Variants in ZNF521 observed in about 807,000 individuals in gnomAD.
The protein encoded by ZNF521 is zinc finger protein 521.
ZNF521 carries 14 observed loss-of-function variants against 105.5 expected under a neutral mutation model. The ratio of observed to expected loss-of-function variants is 0.13; its 90% CI spans 0.09 to 0.21. The LOEUF (loss-of-function observed/expected upper bound fraction) is 0.21. ZNF521 is among the 10% of genes least tolerant of loss of function. The pLI is 1.00. For missense variants in ZNF521, 1,233 were observed against 1,629.7 expected, an observed-to-expected ratio of 0.76 and a Z score of 4.19; for synonymous variants, 635 against 606.0, an observed-to-expected ratio of 1.05 and a Z score of -0.70.
At chr18:25,101,653 T>C (rs1282805371) in intron 5 of ZNF521, among the ~76,000 whole-genome samples, 1 of 152,050 alleles carries the variant, frequency 6.6e-6, no homozygotes, top group Non-Finnish European at 1.5e-5. Flanking sequence ...TAAACTTCAC[T>C]GAAAGGGCAG....
intron 3 of ZNF521, among the ~76,000 whole-genome samples, chr18:25,249,225 G>A (rs1460896338): frequency 1.3e-5 from 2 of 150,290 alleles, no homozygotes; most frequent in African/African-American, 4.9e-5. Context: ...CTCACTGCTC[G>A]GCTCACTGCA....
At chr18:25,221,534 T>C (rs925410551) in intron 4 of ZNF521, among the ~76,000 whole-genome samples, 2 of 152,224 alleles carry the variant, frequency 1.3e-5, no homozygotes, top group African/African-American at 2.4e-5. Context: ...TCTTATCTCC[T>C]GTGATTTTCT....
At chr18:25,080,333 C>A (rs1003729801) in intron 7 of ZNF521, among the ~76,000 whole-genome samples, 2 of 152,284 alleles carry the variant, frequency 1.3e-5, no homozygotes, top group African/African-American at 4.8e-5. Context: ...ATGACAGCAC[C>A]GCAAGCACAG....
At chr18:25,077,082 A>T (rs1389353009) in intron 7 of ZNF521, among the ~76,000 whole-genome samples, 1 of 152,228 alleles carries the variant, frequency 6.6e-6, no homozygotes, top group Non-Finnish European at 1.5e-5. Flanking sequence ...CTTGTGAGGC[A>T]GACTTGTTTA....
chr18:25,065,023 T>C (rs941549231), intron 7 of ZNF521, among the ~76,000 whole-genome samples: 1 of 152,202 alleles, frequency 6.6e-6, no homozygotes. Flanking sequence ...AAAGTACTAA[T>C]GAGACCGAAA....
intron 5 of ZNF521, among the ~76,000 whole-genome samples, chr18:25,150,913 G>C (rs2035036491): frequency 7.5e-6 from 1 of 133,684 alleles, no homozygotes; most frequent in Non-Finnish European, 1.6e-5. Context: ...TTTTGAGACA[G>C]AGTCTCGCTC....
intron 3 of ZNF521, among the ~76,000 whole-genome samples, chr18:25,303,489 G>A (rs951366732): frequency 6.6e-6 from 1 of 151,994 alleles, no homozygotes; most frequent in Admixed American, 6.6e-5. Context: ...GTAGAGACGG[G>A]GTTTCACTAT....
chr18:25,261,638 A>C (rs1370335622), intron 3 of ZNF521, among the ~76,000 whole-genome samples: 1 of 146,950 alleles, frequency 6.8e-6, no homozygotes, highest in African/African-American at 2.5e-5. Context: ...TCTCTCCTCT[A>C]TTTTTTCTCT....
At chr18:25,320,375 T>C (rs1912873038) in intron 3 of ZNF521, among the ~76,000 whole-genome samples, 1 of 152,176 alleles carries the variant, frequency 6.6e-6, no homozygotes, top group Non-Finnish European at 1.5e-5. Context: ...TTCACCATGT[T>C]GATCAGGCTG....
chr18:25,332,672 C>T (rs1361440188), intron 2 of ZNF521, among the ~76,000 whole-genome samples: 2 of 152,118 alleles, frequency 1.3e-5, no homozygotes, highest in East Asian at 1.9e-4. Flanking sequence ...CTTTTCATTT[C>T]CTAGGACACA....
At chr18:25,340,919 T>C (rs552367068) in intron 2 of ZNF521, among the ~76,000 whole-genome samples, 2 of 152,354 alleles carry the variant, frequency 1.3e-5, no homozygotes, top group South Asian at 2.1e-4. Context: ...GGTGTTATTA[T>C]CTTGTAATGG....
chr18:25,326,906 C>T (rs1166101816), intron 2 of ZNF521, among the ~76,000 whole-genome samples: 1 of 152,134 alleles, frequency 6.6e-6, no homozygotes, highest in Admixed American at 6.5e-5. Context: ...TGATCATAGC[C>T]AGCTTGTCAC....
In ZNF521 at chr18:25,162,246, C is replaced by T. The variant is rs577263486; in HGVS notation, c.3658+32914G>A. 5.6e-4 allele frequency among the ~76,000 whole-genome samples: 86 copies of T among 152,230 alleles called. 1 individual carries two copies. The highest frequency in any genetic ancestry group is 1.9e-3 in the African/African-American group (77 of 41,544). On this transcript the variant is annotated intron_variant, in intron 5 of 7. Coordinates refer to ENST00000361524, the MANE Select transcript of ZNF521 (RefSeq NM_015461.3). ...GGAAAAAAAGGCCTTAACATTCATA[C>T]ATGAGAATAACTATCATTCTAAGAT...
intron 3 of ZNF521, among the ~76,000 whole-genome samples, chr18:25,267,391 G>A (rs1909343256): frequency 6.6e-6 from 1 of 152,228 alleles, no homozygotes; most frequent in African/African-American, 2.4e-5. Context: ...GCTCAGAAGA[G>A]AGCAGCGGAT....
intron 3 of ZNF521, chr18:25,302,248 G>A (rs7241342): frequency 0.37 from 56,532 of 151,348 alleles, 10,669 homozygotes; most frequent in Admixed American, 0.43. Flanking sequence ...AGAGAAAGAG[G>A]TGTGTGGCAG....
intron 2 of ZNF521, among the ~76,000 whole-genome samples, chr18:25,340,947 A>G (rs1914166091): frequency 6.6e-6 from 1 of 152,220 alleles, no homozygotes; most frequent in Non-Finnish European, 1.5e-5. Flanking sequence ...TTGAAGATTA[A>G]AAATTTGGTA....
At chr18:25,209,964 A>T (rs938899395) in intron 4 of ZNF521, among the ~76,000 whole-genome samples, 3 of 152,202 alleles carry the variant, frequency 2.0e-5, no homozygotes, top group African/African-American at 7.2e-5. Flanking sequence ...ACTTTGTGGA[A>T]ATATGATTCC....
intron 5 of ZNF521, among the ~76,000 whole-genome samples, chr18:25,191,529 T>C (rs1341891665): frequency 6.6e-6 from 1 of 152,208 alleles, no homozygotes; most frequent in Non-Finnish European, 1.5e-5. Flanking sequence ...ATTTGTTTCT[T>C]TGGGGATTTA....
chr18:25,340,754 C>G (rs1017442240), intron 2 of ZNF521, among the ~76,000 whole-genome samples: 1 of 152,152 alleles, frequency 6.6e-6, no homozygotes, highest in African/African-American at 2.4e-5. Context: ...GGGCAGGCAA[C>G]TGGCTAAGGA....
Sources: gnomAD v4.1 joint callset for allele counts (sites outside exome capture counted in the v4.1 genomes callset) on GRCh38, gnomAD v4.1.1 for gene constraint, MANE v1.5 for transcripts, NCBI Gene and HGNC (gene_info 2026-07-23, HGNC 2026-07-21) for gene names.